Variants in ANO3 observed in about 807,000 individuals in gnomAD.
The protein encoded by ANO3 is anoctamin 3.
In ANO3, 99 loss-of-function variants were observed where a neutral mutation model predicts 144.8. The ratio of observed to expected loss-of-function variants is 0.68; its 90% CI spans 0.58 to 0.81. The LOEUF (loss-of-function observed/expected upper bound fraction) is 0.81. Ranked by LOEUF, ANO3 falls within the 30% of genes least tolerant of loss-of-function variation. The pLI is 0.00. For missense variants in ANO3, 905 were observed against 1,202.2 expected (o/e 0.75, Z 3.66); for synonymous variants, 414 against 392.6 (o/e 1.05, Z -0.64).
intron 6 of ANO3, among the ~76,000 whole-genome samples, chr11:26,519,686 C>T (rs763462018): frequency 2.0e-5 from 3 of 152,126 alleles, no homozygotes; most frequent in Non-Finnish European, 2.9e-5. Flanking sequence ...ACTCTTATGA[C>T]CTAAATACTT....
chr11:26,284,814 A>T (rs573851046), intron 1 of ANO3, among the ~76,000 whole-genome samples: 5 of 152,244 alleles, frequency 3.3e-5, no homozygotes, highest in Admixed American at 3.3e-4. Flanking sequence ...GCTGAGGCAG[A>T]AGATGACGTG....
At chr11:26,214,362 A>T (rs1475305856) in intron 1 of ANO3, among the ~76,000 whole-genome samples, 5 of 151,906 alleles carry the variant, frequency 3.3e-5, no homozygotes, top group Admixed American at 6.6e-5. Context: ...GTCATGCATT[A>T]TCTGTTTTCC....
At chr11:26,460,070 A>G in intron 3 of ANO3, 2 of 451,252 alleles carry the variant, frequency 4.4e-6, no homozygotes, top group Admixed American at 2.4e-5. Context: ...ATCAGATTTC[A>G]ACATGAGACC....
chr11:26,542,575 G>A (rs922896059), intron 11 of ANO3, among the ~76,000 whole-genome samples: 6 of 151,800 alleles, frequency 4.0e-5, no homozygotes, highest in Non-Finnish European at 5.9e-5. Context: ...AAGAAAGAAA[G>A]AAAAAAAGCC....
intron 1 of ANO3, among the ~76,000 whole-genome samples, chr11:26,223,872 C>T (rs1852202255): frequency 6.6e-6 from 1 of 152,046 alleles, no homozygotes; most frequent in Non-Finnish European, 1.5e-5. Flanking sequence ...AGAAGTCACT[C>T]ATTATTGCAA....
chr11:26,511,009 C>T (rs1055875523), intron 5 of ANO3, among the ~76,000 whole-genome samples: 1 of 152,172 alleles, frequency 6.6e-6, no homozygotes, highest in African/African-American at 2.4e-5. Context: ...AGAGAGGGTT[C>T]TCATCCACAA....
At chr11:26,294,879 C>G (rs1356003466) in intron 1 of ANO3, among the ~76,000 whole-genome samples, 1 of 147,632 alleles carries the variant, frequency 6.8e-6, no homozygotes, top group African/African-American at 2.7e-5. Context: ...CCTTTTTTTT[C>G]TTCTTTTTTT....
chr11:26,573,995 G>T (rs909979988), intron 14 of ANO3, among the ~76,000 whole-genome samples: 1 of 152,170 alleles, frequency 6.6e-6, no homozygotes, highest in Non-Finnish European at 1.5e-5. Flanking sequence ...CTAGGTTCTA[G>T]GTAAGACCAA....
intron 14 of ANO3, among the ~76,000 whole-genome samples, chr11:26,573,513 C>T (rs1003788572): frequency 9.2e-5 from 14 of 152,212 alleles, no homozygotes; most frequent in African/African-American, 2.6e-4. Context: ...GAGAACTGAA[C>T]ATGATTGGGC....
chr11:26,497,925 T>C (rs1219066059), intron 4 of ANO3, among the ~76,000 whole-genome samples: 3 of 152,018 alleles, frequency 2.0e-5, no homozygotes, highest in African/African-American at 7.2e-5. Context: ...AATTCTAAAG[T>C]CTTTTCTTTT....
chr11:26,629,377 A>G (rs188747013), intron 18 of ANO3, among the ~76,000 whole-genome samples: 3 of 151,238 alleles, frequency 2.0e-5, no homozygotes, highest in Admixed American at 2.0e-4. Context: ...TCCTTTCATT[A>G]CTGCATCTAT....
chr11:26,604,920 C>T (rs760905631), intron 17 of ANO3, among the ~76,000 whole-genome samples: 3 of 152,106 alleles, frequency 2.0e-5, no homozygotes, highest in Non-Finnish European at 4.4e-5. Flanking sequence ...ATTGTTTTGC[C>T]TGATCGCCCT....
intron 1 of ANO3, among the ~76,000 whole-genome samples, chr11:26,436,202 C>T (rs926067266): frequency 6.6e-6 from 1 of 152,184 alleles, no homozygotes; most frequent in Non-Finnish European, 1.5e-5. Context: ...ACCAGACCAG[C>T]CACTGTTCCC....
intron 12 of ANO3, among the ~76,000 whole-genome samples, chr11:26,548,724 A>T (rs1406687149): frequency 6.6e-6 from 1 of 151,964 alleles, no homozygotes; most frequent in Non-Finnish European, 1.5e-5. Context: ...AAAGATAGAT[A>T]GCATGAAAAC....
intron 14 of ANO3, chr11:26,560,923 C>G (rs953962601): frequency 2.5e-6 from 2 of 789,230 alleles, no homozygotes; most frequent in African/African-American, 3.7e-5. Flanking sequence ...GTCTACATTT[C>G]TGCTACTGGT....
At chr11:26,368,332 G>A (rs12270295) in intron 1 of ANO3, among the ~76,000 whole-genome samples, 5 of 152,180 alleles carry the variant, frequency 3.3e-5, no homozygotes, top group East Asian at 1.9e-4. Flanking sequence ...TGTAGATTTC[G>A]TATAGTAATT....
intron 1 of ANO3, among the ~76,000 whole-genome samples, chr11:26,378,093 C>T (rs1856464456): frequency 6.6e-6 from 1 of 151,810 alleles, no homozygotes; most frequent in Non-Finnish European, 1.5e-5. Context: ...AACACTTAGA[C>T]TGAAGGCCTG....
At chr11:26,563,478 TA>T (rs1850386841) in intron 14 of ANO3, among the ~76,000 whole-genome samples, 1 of 151,402 alleles carries the variant, frequency 6.6e-6, no homozygotes, top group Non-Finnish European at 1.5e-5. Context: ...TATTTGTTGA[TA>T]AAACCACACT....
At chr11:26,349,576 T>C (rs1855584196) in intron 1 of ANO3, among the ~76,000 whole-genome samples, 1 of 152,148 alleles carries the variant, frequency 6.6e-6, no homozygotes, top group South Asian at 2.1e-4. Flanking sequence ...TGAGACAGAG[T>C]CTTGCTCTGT....
Sources: gnomAD v4.1 joint callset for allele counts (sites outside exome capture counted in the v4.1 genomes callset) on GRCh38, gnomAD v4.1.1 for gene constraint, MANE v1.5 for transcripts, NCBI Gene and HGNC (gene_info 2026-07-23, HGNC 2026-07-21) for gene names.